The following RNF40 variants were observed in gnomAD, a reference collection of about 807,000 sequenced individuals.
RNF40 encodes E3 ubiquitin-protein ligase BRE1B.
A neutral mutation model predicts 123.3 loss-of-function variants in RNF40; 39 were observed. The ratio of observed to expected loss-of-function variants is 0.32; its 90% CI spans 0.24 to 0.41. RNF40 has a LOEUF of 0.41. Ranked by LOEUF, RNF40 falls within the 10% of genes least tolerant of loss-of-function variation. RNF40 has a pLI of 1.00. For missense variants in RNF40, 1,003 were observed against 1,319.9 expected, an observed-to-expected ratio of 0.76 and a Z score of 3.72; for synonymous variants, 538 against 526.0, an observed-to-expected ratio of 1.02 and a Z score of -0.31.
chr16:30,764,463 A>C, intron 5 of RNF40, 78 bp downstream of exon 5: 8 of 1,281,630 alleles, frequency 6.2e-6, no homozygotes, highest in Non-Finnish European at 8.8e-6. Context: ...GATTCCCCTA[A>C]TGCCCGAGTC....
intron 19 of RNF40, among the ~76,000 whole-genome samples, chr16:30,772,822 C>T (rs975551665): frequency 6.6e-6 from 1 of 152,072 alleles, no homozygotes; most frequent in Non-Finnish European, 1.5e-5. Context: ...TGGTTTTGGG[C>T]TGGAAGAGGT....
intron 19 of RNF40, among the ~76,000 whole-genome samples, chr16:30,773,261 C>CA (rs2054178770): frequency 6.6e-6 from 1 of 152,086 alleles, no homozygotes; most frequent in South Asian, 2.1e-4. Flanking sequence ...TGGAGGCAGC[C>CA]ATGGGGTAGA....
chr16:30,770,841 A>G (rs1484471431), intron 17 of RNF40, among the ~76,000 whole-genome samples: 1 of 152,078 alleles, frequency 6.6e-6, no homozygotes, highest in Non-Finnish European at 1.5e-5. Context: ...TGTCCCGAGT[A>G]GCTGGGACTA....
intron 17 of RNF40, among the ~76,000 whole-genome samples, chr16:30,770,324 C>T (rs531678674): frequency 1.3e-5 from 2 of 151,960 alleles, no homozygotes; most frequent in East Asian, 3.9e-4. Context: ...GTTGACCAGG[C>T]TGGTATCGAA....
Position 30,765,309 on chromosome 16 carries a change from G to C in RNF40, c.900G>C (p.Leu300=), listed in dbSNP as rs2054007338. The C allele has an allele frequency of 6.2e-7, 1 of 1,614,246 alleles. No homozygotes were observed. Among genetic ancestry groups the C allele is most frequent in the Non-Finnish European group, 8.5e-7 (1 of 1,180,040 alleles). Residue 300 remains leucine (L), a synonymous_variant, in exon 7 of 20, where the codon CTG becomes CTC. Coordinates refer to ENST00000324685, the MANE Select transcript of RNF40 (RefSeq NM_014771.4). ...GAGAGCAAAAGCTCAATAAGCACCT[G>C]GCAGAGGCCTTAGAGCAGGTGGGGC... The part of the protein sequence containing the change: ...RKREQKLNKH[L]AEALEQLNSG...
chr16:30,762,967 TGTC>T (rs1477428273), intron 2 of RNF40, 148 bp from the exon 3 acceptor site: 16 of 908,750 alleles, frequency 1.8e-5, no homozygotes, highest in Non-Finnish European at 2.5e-5. Context: ...CGCTGTGTGT[TGTC>T]TGAGCCTCCT....
Position 30,772,127 on chromosome 16 carries a change from G to A in RNF40, c.2766G>A (p.Gln922=), listed in dbSNP as rs1252652815. The part of the protein sequence containing the change: ...ISRLRRKLEK[Q]RKVEVYADAD... ...GGCTGCGGCGCAAGCTGGAAAAGCA[G>A]AGGAAGGTGGAGGTCTACGCAGATG... The change falls in exon 19 of 20, where the codon CAG becomes CAA. Residue 922 remains glutamine (Q), a synonymous_variant. Transcript: ENST00000324685. 6.4e-7 allele frequency: 1 copy of A among 1,555,864 alleles called. No homozygotes were observed. Among genetic ancestry groups the A allele is most frequent in the Admixed American group, 1.9e-5 (1 of 51,312 alleles).
Position 30,764,964 on chromosome 16 carries a change from G to T in RNF40, c.676G>T (p.Ala226Ser), listed in dbSNP as rs774693175. 1.9e-6 allele frequency: 3 copies of T among 1,612,668 alleles called. 1 individual carries two copies. The highest frequency in any genetic ancestry group is 2.2e-5 in the East Asian group (1 of 44,882). The change falls in exon 6 of 20, where the codon GCT becomes TCT. Residue 226 changes from alanine to serine, a missense_variant. Coordinates refer to ENST00000324685, the MANE Select transcript of RNF40 (RefSeq NM_014771.4). ...RGDSEPLSEAAQAHTRELGRE... is the reference protein window; with the variant it reads ...RGDSEPLSEASQAHTRELGRE... ...GGACAGTGAGCCCCTCAGTGAGGCGGCTCAGGCACACACCCGAGAGCTGGG... is the reference window on the plus strand; with the variant it reads ...GGACAGTGAGCCCCTCAGTGAGGCGTCTCAGGCACACACCCGAGAGCTGGG...
chr16:30,773,831 G>A (rs2054188105), intron 19 of RNF40, 107 bp from the exon 20 acceptor site: 3 of 1,115,498 alleles, frequency 2.7e-6, no homozygotes, highest in Non-Finnish European at 2.6e-6. Flanking sequence ...GGGAGGATGA[G>A]GTGCAGTCTC....
upstream of RNF40, chr16:30,762,281 G>GGC (rs1349390499): frequency 2.2e-6 from 1 of 463,870 alleles, no homozygotes; most frequent in Non-Finnish European, 3.8e-6. Flanking sequence ...CACCGTTGGG[G>GGC]GGGGGGCAGT....
chr16:30,762,274 C>CG, upstream of RNF40: 8 of 436,884 alleles, frequency 1.8e-5, no homozygotes, highest in Non-Finnish European at 2.8e-5. Flanking sequence ...CCCTGCGCAC[C>CG]GTTGGGGGGG....
Position 30,774,167 on chromosome 16 carries a change from C to T in RNF40, c.*53C>T, listed in dbSNP as rs936191598. On this transcript the variant is annotated 3_prime_UTR_variant, in exon 20 of 20. Coordinates refer to ENST00000324685, the MANE Select transcript of RNF40 (RefSeq NM_014771.4). ...CCATGGACCCTGGGGGCTGTGCCCCCATCTCCTCCCCACCCCAGGTCTAGT... is the reference window on the plus strand; with the variant it reads ...CCATGGACCCTGGGGGCTGTGCCCCTATCTCCTCCCCACCCCAGGTCTAGT... The T allele has an allele frequency of 1.5e-4, 225 of 1,538,048 alleles. No individual in the cohort carries two copies. Among genetic ancestry groups the T allele is most frequent in the Non-Finnish European group, 1.9e-4 (221 of 1,135,670 alleles).
rs1567285454 is a variant in RNF40, at chr16:30,768,204, GCCAGGC to G, written c.1656_1661del (p.Gly553_Pro554del). The G allele has an allele frequency of 6.2e-7, 1 of 1,613,406 alleles. No individual in the cohort carries two copies. Among genetic ancestry groups the G allele is most frequent in the Non-Finnish European group, 8.5e-7 (1 of 1,179,892 alleles). On this transcript the variant is annotated inframe_deletion, in exon 13 of 20. Transcript: ENST00000324685. This position sits in a 1 kb window ranked among gnomAD's most constrained non-coding sequence, Gnocchi z 4.1. ...CAGCCCCAGGGAAAGAGGAGGGTGG[GCCAGGC>G]CCTGTCAGTACCCCCGACAACAGAA...
Position 30,776,271 on chromosome 16 carries a change from G to A in RNF40, c.*2157G>A, listed in dbSNP as rs940342799. The A allele has an allele frequency of 2.6e-5, 4 of 152,126 alleles. No individual in the cohort carries two copies. The highest frequency in any genetic ancestry group is 9.7e-5 in the African/African-American group (4 of 41,400). 9.4% of individuals were successfully genotyped at this position (152,126 alleles called of 1,614,324 possible). A position where few individuals can be genotyped will look rare whatever the true frequency, so the allele number is the denominator to read the frequency against. On this transcript the variant is annotated 3_prime_UTR_variant, in exon 20 of 20. Transcript: ENST00000324685. ...ATCAGAGGGGCAAAACTCTCCTCGT[G>A]GGTCTTCATACCTAATAAAAGTCGG...
chr16:30,775,617 C>A lies in RNF40; in HGVS notation c.*1503C>A, dbSNP rs1272034933. 3 of 153,220 alleles carry A rather than the reference C, an allele frequency of 2.0e-5. No homozygotes were observed. Among genetic ancestry groups the A allele is most frequent in the African/African-American group, 7.2e-5 (3 of 41,486 alleles). 9.5% of individuals were successfully genotyped at this position (153,220 alleles called of 1,614,324 possible). A position where few individuals can be genotyped will look rare whatever the true frequency, so the allele number is the denominator to read the frequency against. On this transcript the variant is annotated 3_prime_UTR_variant, in exon 20 of 20. Coordinates refer to ENST00000324685, the MANE Select transcript of RNF40 (RefSeq NM_014771.4). ...TCGGGACACCTCAGCTGGGTGACTTCCCTCGTTGCAATCGGCCTCGGGAGC... is the reference window on the plus strand; with the variant it reads ...TCGGGACACCTCAGCTGGGTGACTTACCTCGTTGCAATCGGCCTCGGGAGC...
chr16:30,767,596 G>A (rs2054059982), intron 11 of RNF40: 1 of 275,452 alleles, frequency 3.6e-6, no homozygotes, highest in African/African-American at 2.2e-5. Context: ...CTTGAGGCCA[G>A]GAATTTGAGA....
chr16:30,767,625 T>A, intron 11 of RNF40: 1 of 344,576 alleles, frequency 2.9e-6, no homozygotes, highest in Admixed American at 4.1e-5. Context: ...GGCAACAAAG[T>A]GAGACACTGT....
intron 19 of RNF40, 112 bp from the exon 20 acceptor site, chr16:30,773,826 G>A: frequency 9.3e-7 from 1 of 1,076,144 alleles, no homozygotes; most frequent in Non-Finnish European, 1.4e-6. Flanking sequence ...GTTATGGGAG[G>A]ATGAGGTGCA....
chr16:30,771,278 G>A (rs1442587277), intron 17 of RNF40, among the ~76,000 whole-genome samples: 1 of 152,142 alleles, frequency 6.6e-6, no homozygotes, highest in African/African-American at 2.4e-5. Flanking sequence ...CATGTGTGGT[G>A]GGGAAGTTGA....
Sources: gnomAD v4.1 joint callset for allele counts (sites outside exome capture counted in the v4.1 genomes callset) on GRCh38, gnomAD v4.1.1 for gene constraint, Gnocchi (gnomAD v3.1) non-coding constraint, MANE v1.5 for transcripts, NCBI Gene and HGNC (gene_info 2026-07-23, HGNC 2026-07-21) for gene names.